The following DZIP1L variants were observed in gnomAD, a reference collection of about 807,000 sequenced individuals.
DZIP1L encodes the protein cilium assembly protein DZIP1L.
In DZIP1L, 90 loss-of-function variants were observed where a neutral mutation model predicts 88.7. That is an observed-to-expected ratio of 1.02 (90% CI 0.86 to 1.21). The LOEUF (loss-of-function observed/expected upper bound fraction) is 1.21. Among genes scored for constraint, DZIP1L ranks in the 50% most tolerant of loss-of-function variants. The pLI, the probability that DZIP1L is intolerant of heterozygous loss-of-function variation, is 0.00. For missense variants in DZIP1L, 932 were observed against 955.8 expected (o/e 0.98, Z 0.33); for synonymous variants, 363 against 372.1 (o/e 0.98, Z 0.28).
At chr3:138,081,462 C>A (rs1943646005) in intron 9 of DZIP1L, among the ~76,000 whole-genome samples, 1 of 152,184 alleles carries the variant, frequency 6.6e-6, no homozygotes, top group Non-Finnish European at 1.5e-5. Context: ...TTCTCATGAG[C>A]CCCCACTCCA....
rs1943466118 is a variant in DZIP1L, at chr3:138,077,498, C to A, written c.1422+1G>T. 6.2e-7 allele frequency: 1 copy of A among 1,614,104 alleles called. No homozygotes were observed. Among genetic ancestry groups the A allele is most frequent in the Non-Finnish European group, 8.5e-7 (1 of 1,179,988 alleles). On this transcript the variant is annotated splice_donor_variant, in intron 11 of 15. Coordinates refer to ENST00000327532, the MANE Select transcript of DZIP1L (RefSeq NM_173543.3). LOFTEE classifies it high-confidence loss of function. Reference sequence around the variant, plus strand: ...CTTAAAACGATGGCCCTGAAACTCACCTTCCTTATCCCCATGCTTTCGAGC... The same window carrying A: ...CTTAAAACGATGGCCCTGAAACTCAACTTCCTTATCCCCATGCTTTCGAGC...
rs148421355 is a variant in DZIP1L, at chr3:138,064,738, G to C, written c.2032C>G (p.Leu678Val). ...GCTGGAGCTTCTAGCTGCTTCTCCA[G>C]GTTTTTGACCATCGACTGCACCAGT... ...GTLVQSMVKN[L>V]EKQLEAPAKK... The change falls in exon 15 of 16, where the codon CTG becomes GTG. Residue 678 changes from leucine to valine, a missense_variant. Physicochemically the swap from Leu to Val is conservative, Grantham distance 32. Coordinates refer to ENST00000327532, the MANE Select transcript of DZIP1L (RefSeq NM_173543.3). 31 of 1,599,638 alleles carry C rather than the reference G, an allele frequency of 1.9e-5. No homozygotes were observed. Among genetic ancestry groups the C allele is most frequent in the Non-Finnish European group, 2.6e-5 (31 of 1,174,452 alleles).
Position 138,103,839 on chromosome 3 carries a change from G to A in DZIP1L, c.133C>T (p.Arg45Cys), listed in dbSNP as rs188293055. ...GCCACATCCAGTTCCCGGGCCACGCGGTCTACATCCAGGGTGCTAATGCGT... is the reference window on the plus strand; with the variant it reads ...GCCACATCCAGTTCCCGGGCCACGCAGTCTACATCCAGGGTGCTAATGCGT... The part of the protein sequence containing the change: ...WRRISTLDVD[R>C]VARELDVATL... Residue 45 changes from arginine (R) to cysteine (C), a missense_variant, in exon 2 of 16, where the codon CGC (arginine) becomes TGC (cysteine). Coordinates refer to ENST00000327532, the MANE Select transcript of DZIP1L (RefSeq NM_173543.3). 2.6e-5 allele frequency: 42 copies of A among 1,614,160 alleles called. No homozygotes were observed. The highest frequency in any genetic ancestry group is 1.4e-4 in the South Asian group (13 of 91,086).
chr3:138,071,836 C>T lies in DZIP1L; in HGVS notation c.1423-1G>A, dbSNP rs900747145. 1.2e-6 allele frequency: 2 copies of T among 1,610,278 alleles called. No individual in the cohort carries two copies. Among genetic ancestry groups the T allele is most frequent in the African/African-American group, 2.7e-5 (2 of 74,832 alleles). On this transcript the variant is annotated splice_acceptor_variant, in intron 11 of 15. Transcript: ENST00000327532. LOFTEE classifies it high-confidence loss of function. The stretch of plus-strand genomic sequence containing the variant: ...TCTGAATCGAGATTCCCTTTGCATC[C>T]TAGAGGAGACAGGAGTTCACCTTTA...
rs1944081222 is a variant in DZIP1L, at chr3:138,088,998, T to C, written c.871-491A>G. ...TACCTAGTGATTCCTGGGCTAGCAG[T>C]GTGTGTGACCTGAAGAAAAAGGTAC... On this transcript the variant is annotated intron_variant, in intron 5 of 15. Coordinates refer to ENST00000327532, the MANE Select transcript of DZIP1L (RefSeq NM_173543.3). 4 of 985,392 alleles carry C rather than the reference T, an allele frequency of 4.1e-6. No individual in the cohort carries two copies. The African/African-American group carries it at 5.2e-5, about 13-fold the overall frequency. The allele number at this position is 985,392 out of a possible 1,614,324, so 61.0% of individuals were successfully genotyped here.
At chr3:138,087,121 G>T (rs373846939) in intron 6 of DZIP1L, 98 bp from the exon 7 acceptor site, 1 of 1,063,188 alleles carries the variant, frequency 9.4e-7, no homozygotes. Flanking sequence ...TGGGTAGGCA[G>T]ACAGAGTAGT....
At chr3:138,067,840 G>A in intron 13 of DZIP1L, 140 bp from the exon 14 acceptor site, 1 of 952,026 alleles carries the variant, frequency 1.1e-6, no homozygotes, top group Non-Finnish European at 1.5e-6. Flanking sequence ...AGACAGCCAG[G>A]AGACCCCTGG....
At chr3:138,101,961 G>A in intron 2 of DZIP1L, 1 of 1,537,628 alleles carries the variant, frequency 6.5e-7, no homozygotes, top group South Asian at 1.1e-5. Context: ...CTCAATCTCA[G>A]CCTGGAGCCG....
At chr3:138,065,155 C>A (rs1222603725) in intron 14 of DZIP1L, among the ~76,000 whole-genome samples, 1 of 152,154 alleles carries the variant, frequency 6.6e-6, no homozygotes, top group Non-Finnish European at 1.5e-5. Flanking sequence ...AAGATTAGCA[C>A]AGGAGGACCA....
intron 10 of DZIP1L, among the ~76,000 whole-genome samples, 159 bp from the exon 11 acceptor site, chr3:138,077,791 G>C (rs1943482456): frequency 6.6e-6 from 1 of 152,202 alleles, no homozygotes; most frequent in Admixed American, 6.5e-5. Flanking sequence ...CTTGCTCTCT[G>C]GGCTCCCTTC....
chr3:138,101,414 C>T, intron 2 of DZIP1L: 2 of 707,924 alleles, frequency 2.8e-6, no homozygotes, highest in South Asian at 1.6e-5. Flanking sequence ...TGCACAGCAG[C>T]CTCCCCCGCT....
At chr3:138,093,851 C>T (rs2724717) in intron 4 of DZIP1L, among the ~76,000 whole-genome samples, 130,203 of 152,224 alleles carry the variant, frequency 0.86, 56,012 homozygotes, top group Middle Eastern at 0.92. Context: ...ATTTTGTGGC[C>T]GGTTTGATCT....
At chr3:138,086,010 A>G (rs1307784376) in intron 7 of DZIP1L, among the ~76,000 whole-genome samples, 17 of 152,130 alleles carry the variant, frequency 1.1e-4, no homozygotes, top group Non-Finnish European at 1.5e-5. Flanking sequence ...CACAAGAACA[A>G]AAAACCAAAC....
intron 13 of DZIP1L, 73 bp from the exon 14 acceptor site, chr3:138,067,773 G>A (rs565860610): frequency 4.2e-5 from 61 of 1,454,864 alleles, no homozygotes; most frequent in East Asian, 2.9e-4. Flanking sequence ...ACTTCACCAC[G>A]CTTCAAGCTG....
chr3:138,095,957 A>T (rs1213937203), intron 3 of DZIP1L, among the ~76,000 whole-genome samples: 1 of 152,222 alleles, frequency 6.6e-6, no homozygotes, highest in African/African-American at 2.4e-5. Flanking sequence ...GTTAAGGGTC[A>T]AAAAAGAATA....
At chr3:138,107,842 A>T (rs1228392717) in intron 1 of DZIP1L, among the ~76,000 whole-genome samples, 1 of 152,120 alleles carries the variant, frequency 6.6e-6, no homozygotes, top group Non-Finnish European at 1.5e-5. Context: ...CACTGTACCA[A>T]ACGCAAACCT....
chr3:138,107,277 G>A (rs1364110746), intron 1 of DZIP1L, among the ~76,000 whole-genome samples: 2 of 152,216 alleles, frequency 1.3e-5, no homozygotes, highest in Non-Finnish European at 2.9e-5. Context: ...ATGGATGAAT[G>A]TCATTATTGT....
intron 5 of DZIP1L, chr3:138,089,047 TG>T: frequency 3.0e-6 from 3 of 985,500 alleles, no homozygotes; most frequent in Non-Finnish European, 3.6e-6. Context: ...AAAGAGAGGA[TG>T]CCTTTCCACC....
chr3:138,082,868 T>G (rs1013451144), intron 8 of DZIP1L, among the ~76,000 whole-genome samples: 3 of 152,216 alleles, frequency 2.0e-5, no homozygotes, highest in Non-Finnish European at 4.4e-5. Flanking sequence ...ATCAACTTCT[T>G]CTGCCAAATA....
Sources: allele counts gnomAD v4.1 joint callset (sites outside exome capture counted in the v4.1 genomes callset), GRCh38; gene constraint gnomAD v4.1.1; transcripts MANE v1.5; gene names NCBI Gene and HGNC (gene_info 2026-07-23, HGNC 2026-07-21).